CACNG4: variants seen among roughly 807,000 people sequenced by gnomAD.
CACNG4 encodes the protein voltage-dependent calcium channel gamma-4 subunit.
In CACNG4, 8 loss-of-function variants were observed where a neutral mutation model predicts 22.9. The ratio of observed to expected loss-of-function variants is 0.35; its 90% CI spans 0.21 to 0.63. CACNG4 has a LOEUF of 0.63. Among genes scored for constraint, CACNG4 ranks in the 30% least tolerant of loss-of-function variants. CACNG4 has a pLI of 0.72. For synonymous variants in CACNG4, 188 were observed against 191.9 expected, an observed-to-expected ratio of 0.98 and a Z score of 0.17; for missense variants, 357 against 455.4, an observed-to-expected ratio of 0.78 and a Z score of 1.97.
intron 1 of CACNG4, among the ~76,000 whole-genome samples, chr17:67,017,578 C>T (rs550500873): frequency 0.031 from 4,745 of 151,686 alleles, 241 homozygotes; most frequent in African/African-American, 0.11. Flanking sequence ...AGTGCAGTGG[C>T]GCGATCTTGG....
chr17:67,013,571 G>A (rs532304103), intron 1 of CACNG4, among the ~76,000 whole-genome samples: 4 of 152,164 alleles, frequency 2.6e-5, no homozygotes, highest in African/African-American at 4.8e-5. Flanking sequence ...TTGGGAGGCC[G>A]AGGCGGGTGG....
intron 3 of CACNG4, among the ~76,000 whole-genome samples, chr17:67,028,550 C>T (rs1166957033): frequency 1.3e-5 from 2 of 149,838 alleles, no homozygotes; most frequent in African/African-American, 2.5e-5. Flanking sequence ...GAGACTCCGT[C>T]TCAAAAAAGA....
At chr17:66,980,108 G>A (rs1235101045) in intron 1 of CACNG4, among the ~76,000 whole-genome samples, 2 of 152,152 alleles carry the variant, frequency 1.3e-5, no homozygotes, top group Non-Finnish European at 2.9e-5. Context: ...ACTATGCCCA[G>A]CGACTTCTTG....
At position 67,027,684 on chromosome 17, in the gene CACNG4, G is replaced by C. The variant is rs2035576301; in HGVS notation, c.445+2684G>C. Among the ~76,000 whole-genome samples, 2 of 152,188 alleles carry C rather than the reference G, an allele frequency of 1.3e-5. No individual in the cohort carries two copies. The highest frequency in any genetic ancestry group is 2.9e-5 in the Non-Finnish European group (2 of 68,028). On this transcript the variant is annotated intron_variant, in intron 3 of 3. Coordinates refer to ENST00000262138, the MANE Select transcript of CACNG4 (RefSeq NM_014405.4). This position sits in a 1 kb window ranked among gnomAD's most constrained non-coding sequence, Gnocchi z 4.3. ...CAACTCGTGCTGAATACAGAGAGGG[G>C]AAGAAAACACAAAGCTAGGGAAGCA...
intron 1 of CACNG4, among the ~76,000 whole-genome samples, chr17:67,016,134 T>C (rs901609048): frequency 6.6e-6 from 1 of 152,184 alleles, no homozygotes; most frequent in African/African-American, 2.4e-5. Context: ...GCCACCACCA[T>C]GGGCCCGGAA....
chr17:66,993,578 A>G (rs2035355076), intron 1 of CACNG4, among the ~76,000 whole-genome samples: 1 of 152,302 alleles, frequency 6.6e-6, no homozygotes. Flanking sequence ...CCCAGGGACA[A>G]AAGTGCTTAA....
chr17:67,011,204 A>G (rs2035465978), intron 1 of CACNG4, among the ~76,000 whole-genome samples: 2 of 152,138 alleles, frequency 1.3e-5, no homozygotes. Flanking sequence ...TGGCCTCAGT[A>G]GGTGTTTCTT....
rs990205995 is a variant in CACNG4, at chr17:67,011,421, G to A, written c.221-6768G>A. 3.9e-5 allele frequency among the ~76,000 whole-genome samples: 6 copies of A among 152,250 alleles called. No homozygotes were observed. The East Asian group carries it at 7.7e-4, about 20-fold the overall frequency. ...AGGACAAGAGTCCACAGCCTAACAC[G>A]CCTCAGACCCCTTCCCCTGTCTTCA... On this transcript the variant is annotated intron_variant, in intron 1 of 3. Coordinates refer to ENST00000262138, the MANE Select transcript of CACNG4 (RefSeq NM_014405.4).
intron 1 of CACNG4, among the ~76,000 whole-genome samples, chr17:67,000,075 C>T (rs2035399132): frequency 6.6e-6 from 1 of 152,160 alleles, no homozygotes; most frequent in Non-Finnish European, 1.5e-5. Context: ...ATGTGGCTCC[C>T]CACTGCCTAT....
chr17:67,010,449 G>C (rs2035462111), intron 1 of CACNG4, among the ~76,000 whole-genome samples: 2 of 152,160 alleles, frequency 1.3e-5, no homozygotes, highest in South Asian at 4.1e-4. Flanking sequence ...CAGGCAGCCT[G>C]GGTTCAGATC....
intron 1 of CACNG4, among the ~76,000 whole-genome samples, chr17:66,969,436 C>T (rs937946949): frequency 2.0e-5 from 3 of 152,240 alleles, no homozygotes; most frequent in African/African-American, 4.8e-5. Context: ...GGGTGGCCCC[C>T]GCACCTGTTT....
At chr17:67,022,614 A>G (rs192230693) in intron 2 of CACNG4, among the ~76,000 whole-genome samples, 2 of 152,260 alleles carry the variant, frequency 1.3e-5, no homozygotes, top group Admixed American at 1.3e-4. Context: ...AAGGAGACAA[A>G]CCCTGCCTTC....
intron 1 of CACNG4, among the ~76,000 whole-genome samples, chr17:66,999,027 C>T (rs2035391484): frequency 6.6e-6 from 1 of 152,116 alleles, no homozygotes; most frequent in African/African-American, 2.4e-5. Context: ...GTGGTTTAGG[C>T]TCTCAGGCTC....
At chr17:66,983,030 C>G (rs941528918) in intron 1 of CACNG4, among the ~76,000 whole-genome samples, 1 of 152,186 alleles carries the variant, frequency 6.6e-6, no homozygotes, top group Non-Finnish European at 1.5e-5. Context: ...CCCAAGGCCC[C>G]GGAGCCAACA....
chr17:66,970,111 C>A (rs1272626806), intron 1 of CACNG4, among the ~76,000 whole-genome samples: 1 of 152,194 alleles, frequency 6.6e-6, no homozygotes, highest in Non-Finnish European at 1.5e-5. Context: ...GCCAGCAACA[C>A]CTCAAGGTAG....
At chr17:67,025,479 C>T (rs144272887) in intron 3 of CACNG4, among the ~76,000 whole-genome samples, 8 of 152,318 alleles carry the variant, frequency 5.3e-5, no homozygotes, top group Middle Eastern at 3.4e-3. Context: ...GGCGAGGGCC[C>T]GGAATGGGCA....
chr17:66,985,760 A>G (rs2035301721), intron 1 of CACNG4, among the ~76,000 whole-genome samples: 1 of 152,210 alleles, frequency 6.6e-6, no homozygotes, highest in South Asian at 2.1e-4. Context: ...GAAGGGAGAC[A>G]GAGGGACGGC....
chr17:66,976,520 ATCCTCCCTCCCTCCT>A (rs2035237524), intron 1 of CACNG4, among the ~76,000 whole-genome samples: 1 of 107,852 alleles, frequency 9.3e-6, no homozygotes, highest in South Asian at 3.4e-4. Flanking sequence ...CCCTCCCTCC[ATCCTCCCTCCCTCCT>A]TCCTCTCTTT....
intron 1 of CACNG4, among the ~76,000 whole-genome samples, chr17:66,982,816 A>G (rs772437204): frequency 5.3e-5 from 8 of 152,172 alleles, no homozygotes; most frequent in Non-Finnish European, 1.0e-4. Context: ...TCAGCCTCCC[A>G]AGTAGCTGGA....
Sources: gnomAD v4.1 joint callset for allele counts (sites outside exome capture counted in the v4.1 genomes callset) on GRCh38, gnomAD v4.1.1 for gene constraint, Gnocchi (gnomAD v3.1) non-coding constraint, MANE v1.5 for transcripts, NCBI Gene and HGNC (gene_info 2026-07-23, HGNC 2026-07-21) for gene names.